The following CCSER1 variants were observed in gnomAD, a reference collection of about 807,000 sequenced individuals.
CCSER1 encodes the protein coiled-coil serine rich protein 1.
In CCSER1, 41 loss-of-function variants were observed where a neutral mutation model predicts 82.0. That is an observed-to-expected ratio of 0.50 (90% CI 0.39 to 0.65). CCSER1 has a LOEUF of 0.65. Among genes scored for constraint, CCSER1 ranks in the 30% least tolerant of loss-of-function variants. The probability of loss-of-function intolerance (pLI) is 0.00; values close to 1 mark genes in which losing one functional copy is unlikely to be tolerated. For missense variants in CCSER1, 1,119 were observed against 1,064.2 expected, an observed-to-expected ratio of 1.05 and a Z score of -0.72; for synonymous variants, 414 against 383.9, an observed-to-expected ratio of 1.08 and a Z score of -0.92.
At chr4:90,860,089 T>G (rs181497521) in intron 8 of CCSER1, among the ~76,000 whole-genome samples, 2 of 151,836 alleles carry the variant, frequency 1.3e-5, no homozygotes, top group Admixed American at 1.3e-4. Context: ...TGAAACTGTT[T>G]GAAAATCATG....
chr4:90,271,600 A>G (rs1046958238), intron 1 of CCSER1, among the ~76,000 whole-genome samples: 16 of 151,642 alleles, frequency 1.1e-4, no homozygotes, highest in Admixed American at 5.3e-4. Context: ...TTTGAGTAAT[A>G]CTCCACCAAG....
intron 6 of CCSER1, among the ~76,000 whole-genome samples, chr4:90,674,408 G>C (rs1733412281): frequency 6.6e-6 from 1 of 151,830 alleles, no homozygotes; most frequent in South Asian, 2.1e-4. Context: ...AGGGACAGTT[G>C]TCAAGTCTGA....
At chr4:91,323,149 C>A (rs17018345) in intron 10 of CCSER1, among the ~76,000 whole-genome samples, 1 of 151,894 alleles carries the variant, frequency 6.6e-6, no homozygotes, top group Admixed American at 6.6e-5. Flanking sequence ...CAGGAAGATA[C>A]CCAACCAGGC....
intron 5 of CCSER1, among the ~76,000 whole-genome samples, chr4:90,470,756 T>G (rs1401086698): frequency 2.0e-3 from 115 of 58,452 alleles, no homozygotes; most frequent in Admixed American, 2.3e-3. Context: ...TTCCTTTTAA[T>G]CAAAGCAAAA....
chr4:90,363,573 A>G (rs983805811), intron 3 of CCSER1, among the ~76,000 whole-genome samples: 1 of 150,702 alleles, frequency 6.6e-6, no homozygotes, highest in Non-Finnish European at 1.5e-5. Context: ...GCTGCCTACC[A>G]TGATTTGGCA....
intron 4 of CCSER1, among the ~76,000 whole-genome samples, chr4:90,437,754 C>G (rs1179039829): frequency 2.0e-5 from 3 of 152,036 alleles, no homozygotes; most frequent in Non-Finnish European, 4.4e-5. Context: ...TAATATGATT[C>G]AAACCTGAAA....
At chr4:91,589,574 C>CTTTTTTTTT (rs11411865) in intron 10 of CCSER1, among the ~76,000 whole-genome samples, 2 of 144,610 alleles carry the variant, frequency 1.4e-5, no homozygotes, top group Non-Finnish European at 1.5e-5. Flanking sequence ...ACAAGAGGCT[C>CTTTTTTTTT]TTTTTTTTTT....
chr4:91,194,166 C>T (rs936348428), intron 10 of CCSER1, among the ~76,000 whole-genome samples: 4 of 152,152 alleles, frequency 2.6e-5, no homozygotes, highest in Non-Finnish European at 4.4e-5. Flanking sequence ...GACGGAGTTT[C>T]ACCACATGGC....
chr4:91,355,426 A>G (rs576812421), intron 10 of CCSER1, among the ~76,000 whole-genome samples: 2 of 152,232 alleles, frequency 1.3e-5, no homozygotes, highest in Admixed American at 6.5e-5. Flanking sequence ...ATGGGTCATA[A>G]CACACATCAG....
chr4:90,606,053 T>C (rs1012974676), intron 5 of CCSER1, among the ~76,000 whole-genome samples: 1 of 152,150 alleles, frequency 6.6e-6, no homozygotes, highest in Non-Finnish European at 1.5e-5. Context: ...TTCATTTGGC[T>C]TAGGAATTTC....
chr4:90,179,085 T>C (rs1242463965), intron 1 of CCSER1, among the ~76,000 whole-genome samples: 1 of 152,154 alleles, frequency 6.6e-6, no homozygotes, highest in Non-Finnish European at 1.5e-5. Flanking sequence ...GAAGTGATTC[T>C]AGTTAGTTTT....
At chr4:91,586,147 C>T (rs34518735) in intron 10 of CCSER1, among the ~76,000 whole-genome samples, 10,075 of 151,320 alleles carry the variant, frequency 0.067, 465 homozygotes, top group Middle Eastern at 0.13. Flanking sequence ...GGTCTCCACT[C>T]ATTTATTTGT....
intron 10 of CCSER1, among the ~76,000 whole-genome samples, chr4:91,454,431 C>T (rs1299942545): frequency 6.6e-6 from 1 of 151,986 alleles, no homozygotes. Context: ...AAATTTCCCT[C>T]CACCTTCTAC....
intron 4 of CCSER1, among the ~76,000 whole-genome samples, chr4:90,456,052 G>T (rs1762127608): frequency 6.6e-6 from 1 of 152,100 alleles, no homozygotes. Context: ...TCCTTATTAT[G>T]AATAGGTGAA....
chr4:90,477,781 G>A (rs773451033), intron 5 of CCSER1, among the ~76,000 whole-genome samples: 3 of 151,712 alleles, frequency 2.0e-5, no homozygotes, highest in Admixed American at 6.6e-5. Flanking sequence ...TACTTTTGAG[G>A]TAAAACACAT....
chr4:91,345,426 CA>C (rs1227336729), intron 10 of CCSER1, among the ~76,000 whole-genome samples: 1 of 151,910 alleles, frequency 6.6e-6, no homozygotes, highest in Non-Finnish European at 1.5e-5. Flanking sequence ...ACTCTATGAG[CA>C]ATATGATCAA....
intron 3 of CCSER1, among the ~76,000 whole-genome samples, chr4:90,329,832 C>G (rs955767839): frequency 6.6e-6 from 1 of 152,078 alleles, no homozygotes; most frequent in Non-Finnish European, 1.5e-5. Context: ...TGGCTATTTA[C>G]AGAGAAATTT....
rs55780432 is a variant in CCSER1 at position 90,795,287 on chromosome 4, CAAA to C, written c.2011-20460_2011-20458del. ...GGGCAACAAGGGCAAAACTCTGTCTCAAAAAAAAAAAAAAAAAGGAAACAAAGA... is the reference window on the plus strand; with the variant it reads ...GGGCAACAAGGGCAAAACTCTGTCTCAAAAAAAAAAAAAAGGAAACAAAGA... On this transcript the variant is annotated intron_variant, in intron 7 of 10. Transcript: ENST00000509176. 1.9e-3 allele frequency among the ~76,000 whole-genome samples: 243 copies of C among 127,568 alleles called. 1 individual carries two copies. The highest frequency in any genetic ancestry group is 0.013 in the East Asian group (56 of 4,440). 83.7% of individuals were successfully genotyped at this position (127,568 alleles called of 152,430 possible). A position where few individuals can be genotyped will look rare whatever the true frequency, so the allele number is the denominator to read the frequency against.
chr4:90,391,444 G>A (rs868192459), intron 3 of CCSER1, among the ~76,000 whole-genome samples: 10 of 37,474 alleles, frequency 2.7e-4, no homozygotes, highest in Admixed American at 3.8e-4. Flanking sequence ...ATATATGGGG[G>A]TATATATATA....
Sources: allele counts gnomAD v4.1 joint callset (sites outside exome capture counted in the v4.1 genomes callset), GRCh38; gene constraint gnomAD v4.1.1; transcripts MANE v1.5; gene names NCBI Gene and HGNC (gene_info 2026-07-23, HGNC 2026-07-21).